The following DEPDC1B variants were observed in gnomAD, a reference collection of about 807,000 sequenced individuals.
DEPDC1B encodes DEP domain-containing protein 1B.
Under a neutral mutation model 66.5 loss-of-function variants are expected in DEPDC1B, and 51 were observed. The ratio of observed to expected loss-of-function variants is 0.77; its 90% CI spans 0.61 to 0.97. The LOEUF (loss-of-function observed/expected upper bound fraction) is 0.97, where lower values mean the gene tolerates loss of function less well. DEPDC1B is among the 50% of genes least tolerant of loss of function. The probability of loss-of-function intolerance (pLI) is 0.00; values close to 1 mark genes in which losing one functional copy is unlikely to be tolerated. For missense variants in DEPDC1B, 552 were observed against 637.1 expected (o/e 0.87, Z 1.44); for synonymous variants, 226 against 223.6 (o/e 1.01, Z -0.10).
At chr5:60,642,759 T>C in intron 6 of DEPDC1B, 53 bp downstream of exon 6, 2 of 1,467,860 alleles carry the variant, frequency 1.4e-6, no homozygotes, top group Non-Finnish European at 1.9e-6. Context: ...TTTCCTAATT[T>C]AGGGCACTAA....
intron 7 of DEPDC1B, among the ~76,000 whole-genome samples, chr5:60,634,125 T>G (rs140913521): frequency 8.5e-5 from 13 of 152,300 alleles, no homozygotes; most frequent in Non-Finnish European, 1.9e-4. Context: ...TTTGCACATC[T>G]GCAATCTCTG....
intron 2 of DEPDC1B, among the ~76,000 whole-genome samples, chr5:60,681,370 T>C (rs1041768508): frequency 6.6e-6 from 1 of 152,092 alleles, no homozygotes; most frequent in Non-Finnish European, 1.5e-5. Flanking sequence ...ACCTAAGCCA[T>C]TGAGGAACTC....
chr5:60,646,243 A>G (rs951785587), intron 3 of DEPDC1B, among the ~76,000 whole-genome samples: 4 of 152,190 alleles, frequency 2.6e-5, no homozygotes, highest in Non-Finnish European at 5.9e-5. Context: ...TGTGAAAAAA[A>G]GAGGCAGTCA....
chr5:60,638,668 CT>C, intron 7 of DEPDC1B, 81 bp downstream of exon 7: 2 of 1,405,610 alleles, frequency 1.4e-6, no homozygotes, highest in Non-Finnish European at 1.9e-6. Flanking sequence ...TGAGTTTTGG[CT>C]AATGGAAGTC....
Position 60,700,156 on chromosome 5 carries a change from C to G in DEPDC1B, c.-63G>C, listed in dbSNP as rs1754758444. The G allele has an allele frequency of 1.4e-5, 21 of 1,506,818 alleles. No homozygotes were observed. The highest frequency in any genetic ancestry group is 1.8e-5 in the Non-Finnish European group (20 of 1,131,096). 93.3% of individuals were successfully genotyped at this position (1,506,818 alleles called of 1,614,324 possible). ...TGATCCCCGCCAGCCGGAGGAGCAGCAGTTTGAATCCCAAGCCCGCGGGCT... is the reference window on the plus strand; with the variant it reads ...TGATCCCCGCCAGCCGGAGGAGCAGGAGTTTGAATCCCAAGCCCGCGGGCT... On this transcript the variant is annotated 5_prime_UTR_variant, in exon 1 of 11. Coordinates refer to ENST00000265036, the MANE Select transcript of DEPDC1B (RefSeq NM_018369.3).
intron 8 of DEPDC1B, among the ~76,000 whole-genome samples, chr5:60,603,846 T>TATATATATATATATATATATATACAC (rs1491589366): frequency 7.4e-6 from 1 of 134,324 alleles, no homozygotes; most frequent in African/African-American, 2.6e-5. Flanking sequence ...TATATATATA[T>TATATATATATATATATATATATACAC]ACACACACAT....
At chr5:60,661,920 T>C (rs1434333626) in intron 2 of DEPDC1B, among the ~76,000 whole-genome samples, 1 of 152,134 alleles carries the variant, frequency 6.6e-6, no homozygotes, top group Admixed American at 6.5e-5. Flanking sequence ...GGAAAAAGCC[T>C]ATAAATTATT....
intron 7 of DEPDC1B, among the ~76,000 whole-genome samples, chr5:60,637,205 T>C (rs1468864912): frequency 2.0e-5 from 3 of 152,158 alleles, no homozygotes; most frequent in African/African-American, 7.2e-5. Flanking sequence ...TGAAAGGTAA[T>C]CTCCAGTGTT....
chr5:60,615,816 T>G (rs1053126695), intron 7 of DEPDC1B, among the ~76,000 whole-genome samples: 7 of 152,122 alleles, frequency 4.6e-5, no homozygotes, highest in South Asian at 4.2e-4. Context: ...GCACGCAGCT[T>G]GAGATCTGAG....
intron 2 of DEPDC1B, among the ~76,000 whole-genome samples, chr5:60,667,990 A>ATT (rs552186764): frequency 9.3e-6 from 1 of 107,730 alleles, no homozygotes; most frequent in East Asian, 3.3e-4. Flanking sequence ...TAAAATGGAT[A>ATT]TTATATATAT....
chr5:60,696,219 T>C (rs372336186), intron 1 of DEPDC1B, among the ~76,000 whole-genome samples: 1 of 152,282 alleles, frequency 6.6e-6, no homozygotes, highest in Non-Finnish European at 1.5e-5. Context: ...GAAAAAAAAA[T>C]CCATTAGGAT....
intron 7 of DEPDC1B, among the ~76,000 whole-genome samples, chr5:60,634,886 T>C (rs1753007843): frequency 1.3e-5 from 2 of 150,226 alleles, no homozygotes; most frequent in South Asian, 4.2e-4. Context: ...ATCTGCATCT[T>C]TAAAAGCTCC....
At chr5:60,616,315 C>A (rs1442807459) in intron 7 of DEPDC1B, among the ~76,000 whole-genome samples, 2 of 152,070 alleles carry the variant, frequency 1.3e-5, no homozygotes, top group Admixed American at 6.5e-5. Flanking sequence ...GAGTTGAGAG[C>A]AGAAGGCTTC....
At chr5:60,626,292 G>A (rs942219323) in intron 7 of DEPDC1B, among the ~76,000 whole-genome samples, 2 of 152,110 alleles carry the variant, frequency 1.3e-5, no homozygotes, top group South Asian at 2.1e-4. Context: ...TTCATTGTAC[G>A]GATATACTAC....
intron 2 of DEPDC1B, among the ~76,000 whole-genome samples, chr5:60,673,639 A>G (rs752010411): frequency 1.3e-5 from 2 of 152,352 alleles, no homozygotes; most frequent in Non-Finnish European, 2.9e-5. Context: ...AACTCCACAA[A>G]TTCAGGGAAT....
At chr5:60,675,712 C>T (rs1050954414) in intron 2 of DEPDC1B, among the ~76,000 whole-genome samples, 2 of 152,064 alleles carry the variant, frequency 1.3e-5, no homozygotes, top group African/African-American at 2.4e-5. Flanking sequence ...CAGGCCCTTC[C>T]TTCCTTTTCA....
intron 10 of DEPDC1B, among the ~76,000 whole-genome samples, chr5:60,598,694 T>A (rs1752143604): frequency 6.6e-6 from 1 of 152,162 alleles, no homozygotes; most frequent in Non-Finnish European, 1.5e-5. Flanking sequence ...CTCTAAACAT[T>A]TTACACCTGT....
chr5:60,644,284 T>TA (rs148999273), intron 5 of DEPDC1B, among the ~76,000 whole-genome samples: 11,016 of 152,136 alleles, frequency 0.072, 948 homozygotes, highest in African/African-American at 0.21. Context: ...GTGGGAAATA[T>TA]AAAAAATCAA....
intron 7 of DEPDC1B, among the ~76,000 whole-genome samples, chr5:60,612,528 CA>C (rs35196065): frequency 0.12 from 11,004 of 90,084 alleles, 306 homozygotes; most frequent in African/African-American, 0.25. Context: ...GAGATCTGCT[CA>C]AAAAAAAAAA....
Sources: allele counts gnomAD v4.1 joint callset (sites outside exome capture counted in the v4.1 genomes callset), GRCh38; gene constraint gnomAD v4.1.1; transcripts MANE v1.5; gene names NCBI Gene and HGNC (gene_info 2026-07-23, HGNC 2026-07-21).